KHDRBS2: variants seen among roughly 807,000 people sequenced by gnomAD.
The protein encoded by KHDRBS2 is KH domain-containing, RNA-binding, signal transduction-associated protein 2.
KHDRBS2 carries 26 observed loss-of-function variants against 44.3 expected under a neutral mutation model. The ratio of observed to expected loss-of-function variants is 0.59; its 90% confidence interval spans 0.43 to 0.81. KHDRBS2 has a LOEUF of 0.81. Among genes scored for constraint, KHDRBS2 ranks in the 40% least tolerant of loss-of-function variants. KHDRBS2 has a pLI of 0.00. For synonymous variants in KHDRBS2, 194 were observed against 151.1 expected (o/e 1.28, Z -2.08); for missense variants, 476 against 433.1 (o/e 1.10, Z -0.88).
At chr6:61,802,268 C>A (rs1487444566) in intron 6 of KHDRBS2, among the ~76,000 whole-genome samples, 4 of 152,134 alleles carry the variant, frequency 2.6e-5, no homozygotes, top group African/African-American at 9.7e-5. Flanking sequence ...TCTGACTGGA[C>A]TTCTGACTTA....
chr6:61,869,990 C>A (rs6927065), intron 6 of KHDRBS2, among the ~76,000 whole-genome samples: 1 of 60,938 alleles, frequency 1.6e-5, no homozygotes, highest in African/African-American at 8.4e-5. Flanking sequence ...TTTTTTTTCC[C>A]CATACTACAG....
intron 4 of KHDRBS2, among the ~76,000 whole-genome samples, chr6:61,956,773 C>G (rs1473094850): frequency 6.6e-6 from 1 of 152,170 alleles, no homozygotes; most frequent in Non-Finnish European, 1.5e-5. Flanking sequence ...ACCCAAAACA[C>G]AAAAAGTATC....
chr6:61,738,250 A>G (rs1162593667), intron 6 of KHDRBS2, among the ~76,000 whole-genome samples: 2 of 152,062 alleles, frequency 1.3e-5, no homozygotes, highest in African/African-American at 4.8e-5. Flanking sequence ...AAACCTTCTA[A>G]ATAAATTAAC....
chr6:62,175,536 T>C (rs750192009), intron 2 of KHDRBS2, among the ~76,000 whole-genome samples: 1 of 151,406 alleles, frequency 6.6e-6, no homozygotes, highest in Non-Finnish European at 1.5e-5. Context: ...CAATTCATAC[T>C]TTTTCAGTTG....
intron 3 of KHDRBS2, among the ~76,000 whole-genome samples, chr6:61,981,952 A>T (rs1016332787): frequency 6.6e-6 from 1 of 152,148 alleles, no homozygotes; most frequent in African/African-American, 2.4e-5. Flanking sequence ...AGTCAGTCAT[A>T]ATTCTATGAT....
At chr6:61,777,144 G>C (rs1038759399) in intron 6 of KHDRBS2, among the ~76,000 whole-genome samples, 4 of 151,850 alleles carry the variant, frequency 2.6e-5, no homozygotes, top group Admixed American at 2.0e-4. Context: ...GTTGGGGGGT[G>C]GGGGAAGGGG....
chr6:61,845,803 C>G (rs978575314), intron 6 of KHDRBS2, among the ~76,000 whole-genome samples: 10 of 152,200 alleles, frequency 6.6e-5, no homozygotes, highest in Non-Finnish European at 1.5e-4. Flanking sequence ...CAGCACACCT[C>G]TTGTTTCTTT....
the KHDRBS2 span, among the ~76,000 whole-genome samples, chr6:61,667,233 A>T: frequency 6.6e-6 from 1 of 150,766 alleles, no homozygotes. Context: ...AATAACAACT[A>T]TATTCTCTTT....
intron 2 of KHDRBS2, among the ~76,000 whole-genome samples, chr6:62,090,100 G>A (rs1799215636): frequency 1.3e-5 from 2 of 152,006 alleles, no homozygotes; most frequent in Admixed American, 1.3e-4. Context: ...GGTGAGAGAG[G>A]TGAAGAAATG....
intron 6 of KHDRBS2, among the ~76,000 whole-genome samples, chr6:61,758,830 G>C (rs1179547300): frequency 1.3e-5 from 2 of 152,040 alleles, no homozygotes; most frequent in African/African-American, 4.8e-5. Context: ...TATATTTAGG[G>C]TATAGGAGAC....
At chr6:61,978,293 G>A (rs1030633524) in intron 3 of KHDRBS2, 81 bp from the exon 4 acceptor site, 4 of 1,123,220 alleles carry the variant, frequency 3.6e-6, no homozygotes, top group Non-Finnish European at 3.7e-6. Context: ...TGACAAAGGT[G>A]TATAATTTAA....
At chr6:61,645,303 G>A in the KHDRBS2 span, among the ~76,000 whole-genome samples, 122 of 152,110 alleles carry the variant, frequency 8.0e-4, no homozygotes, top group African/African-American at 2.8e-3. Flanking sequence ...GCACACATTA[G>A]GGTCTATCAG....
Position 62,047,957 on chromosome 6 carries a change from T to C in KHDRBS2, c.257A>G (p.Asn86Ser). The change falls in exon 3 of 9, where the codon AAC becomes AGC. Residue 86 changes from asparagine (N) to serine (S), a missense_variant. Physicochemically the swap from Asn to Ser is conservative, Grantham distance 46 (BLOSUM62 1). Coordinates refer to ENST00000281156, the MANE Select transcript of KHDRBS2 (RefSeq NM_152688.4). ...TTCTTCCTGTAGCCTCTTCAAGGAG[T>C]TTCCTCTTGGTCCAAGCAATTTCCC... ...FVGKLLGPRG[N>S]SLKRLQEETG... 6.2e-7 allele frequency: 1 copy of C among 1,611,608 alleles called. No homozygotes were observed. Among genetic ancestry groups the C allele is most frequent in the Non-Finnish European group, 8.5e-7 (1 of 1,178,158 alleles).
the KHDRBS2 span, among the ~76,000 whole-genome samples, chr6:61,589,024 A>G: frequency 1.3e-5 from 2 of 151,936 alleles, no homozygotes; most frequent in Non-Finnish European, 2.9e-5. Flanking sequence ...ATGAGAACAC[A>G]TGGACACAAG....
intron 2 of KHDRBS2, among the ~76,000 whole-genome samples, chr6:62,152,505 C>T (rs1307089951): frequency 6.6e-6 from 1 of 152,110 alleles, no homozygotes; most frequent in Non-Finnish European, 1.5e-5. Context: ...GTTTTAGTTA[C>T]TTAATAATCA....
At chr6:62,035,224 G>A (rs760539503) in intron 3 of KHDRBS2, among the ~76,000 whole-genome samples, 28 of 151,910 alleles carry the variant, frequency 1.8e-4, no homozygotes, top group Admixed American at 3.3e-4. Context: ...CAATAGCCAA[G>A]AATTCCAAGC....
intron 7 of KHDRBS2, among the ~76,000 whole-genome samples, chr6:61,713,194 C>G (rs1249281698): frequency 1.3e-5 from 2 of 151,554 alleles, no homozygotes; most frequent in East Asian, 3.9e-4. Flanking sequence ...AGCATTGCAA[C>G]TGGAGGATTG....
the KHDRBS2 span, among the ~76,000 whole-genome samples, chr6:61,553,622 C>A: frequency 6.6e-6 from 1 of 151,996 alleles, no homozygotes; most frequent in East Asian, 1.9e-4. Flanking sequence ...ATTTTTCCAA[C>A]TTTTTTATGT....
chr6:61,910,365 G>A (rs1805834371), intron 4 of KHDRBS2, among the ~76,000 whole-genome samples: 1 of 152,162 alleles, frequency 6.6e-6, no homozygotes, highest in African/African-American at 2.4e-5. Context: ...CTTGGTGCAT[G>A]GCTCTGCATA....
Sources: allele counts gnomAD v4.1 joint callset (sites outside exome capture counted in the v4.1 genomes callset), GRCh38; gene constraint gnomAD v4.1.1; transcripts MANE v1.5; gene names NCBI Gene and HGNC (gene_info 2026-07-23, HGNC 2026-07-21).